The following RNMT variants were observed in gnomAD, a reference collection of about 807,000 sequenced individuals.
RNMT encodes RNA guanine-7 methyltransferase.
RNMT carries 27 observed loss-of-function variants against 56.0 expected under a neutral mutation model. The ratio of observed to expected loss-of-function variants is 0.48; its 90% CI spans 0.36 to 0.67. The LOEUF (loss-of-function observed/expected upper bound fraction) is 0.67. Ranked by LOEUF, RNMT falls within the 30% of genes least tolerant of loss-of-function variation. RNMT has a pLI of 0.00. For synonymous variants in RNMT, 184 were observed against 176.2 expected, an observed-to-expected ratio of 1.04 and a Z score of -0.35; for missense variants, 519 against 552.1, an observed-to-expected ratio of 0.94 and a Z score of 0.60.
chr18:13,759,953 G>T lies in RNMT; in HGVS notation c.1405G>T (p.Val469Leu), dbSNP rs1052337925. 2.5e-6 allele frequency: 4 copies of T among 1,612,096 alleles called. No individual in the cohort carries two copies. Among genetic ancestry groups the T allele is most frequent in the Admixed American group, 3.3e-5 (2 of 59,920 alleles). ...SEWEATSIYL[V>L]FAFEKQQ ...TATTTCTTCTTTAGGTATTTACTTGGTGTTTGCCTTTGAGAAACAGCAGTG... is the reference window on the plus strand; with the variant it reads ...TATTTCTTCTTTAGGTATTTACTTGTTGTTTGCCTTTGAGAAACAGCAGTG... Residue 469 changes from valine (V) to leucine (L), a missense_variant, in exon 12 of 12, where the codon GTG becomes TTG. Transcript: ENST00000383314.
At chr18:13,734,210 C>A (rs1247969558) in intron 3 of RNMT, among the ~76,000 whole-genome samples, 12 of 152,144 alleles carry the variant, frequency 7.9e-5, no homozygotes. Flanking sequence ...GTCCATTGAA[C>A]CTCTTTTTGT....
At chr18:13,749,766 A>G (rs1055448445) in intron 9 of RNMT, among the ~76,000 whole-genome samples, 3 of 152,016 alleles carry the variant, frequency 2.0e-5, no homozygotes, top group Non-Finnish European at 2.9e-5. Context: ...TCTGTCATCC[A>G]AGCTGGAGTG....
intron 4 of RNMT, among the ~76,000 whole-genome samples, chr18:13,734,898 A>G (rs9646454): frequency 0.11 from 16,057 of 152,236 alleles, 929 homozygotes; most frequent in South Asian, 0.15. Flanking sequence ...TTCAGGTTTC[A>G]TTAAGTCAAG....
intron 1 of RNMT, among the ~76,000 whole-genome samples, chr18:13,729,829 T>C (rs2044037278): frequency 6.6e-6 from 1 of 152,010 alleles, no homozygotes; most frequent in African/African-American, 2.4e-5. Context: ...AAGTGGGGTC[T>C]CACTTTGTTG....
intron 4 of RNMT, among the ~76,000 whole-genome samples, chr18:13,736,472 G>C (rs925375350): frequency 6.6e-6 from 1 of 150,914 alleles, no homozygotes; most frequent in African/African-American, 2.4e-5. Context: ...TACTGATGAT[G>C]CTAAAACTAA....
rs2044568019 is a variant in RNMT, at chr18:13,757,778, G to A, written c.1394-2164G>A. 3.9e-5 allele frequency among the ~76,000 whole-genome samples: 6 copies of A among 152,164 alleles called. No homozygotes were observed. The South Asian group carries it at 8.3e-4, about 21-fold the overall frequency. On this transcript the variant is annotated intron_variant, in intron 11 of 11. Transcript: ENST00000383314. ...GAACATTCTTAATGATATCTAGAAT[G>A]GGGAATCATTTCCATCAGGTTTTTT...
At chr18:13,758,788 A>T (rs1598431519) in intron 11 of RNMT, among the ~76,000 whole-genome samples, 1 of 152,144 alleles carries the variant, frequency 6.6e-6, no homozygotes, top group Non-Finnish European at 1.5e-5. Context: ...AGCTTTTTAC[A>T]TGCCTTGTTC....
rs2044656350 is a variant in RNMT at position 13,764,476 on chromosome 18, G to C, written c.*4497G>C. ...ATATTATGTTTGTGAGATTTTTGTT[G>C]CATGTATTTGTACATGGATTTTCAT... On this transcript the variant is annotated 3_prime_UTR_variant, in exon 12 of 12. Transcript: ENST00000383314. The C allele has an allele frequency of 2.0e-5, 3 of 152,080 alleles. No homozygotes were observed. In the South Asian group the frequency reaches 6.2e-4, roughly 31 times the overall value. 9.4% of individuals were successfully genotyped at this position (152,080 alleles called of 1,614,324 possible). A position where few individuals can be genotyped will look rare whatever the true frequency, so the allele number is the denominator to read the frequency against.
At chr18:13,729,853 A>G (rs1229607699) in intron 1 of RNMT, among the ~76,000 whole-genome samples, 1 of 151,560 alleles carries the variant, frequency 6.6e-6, no homozygotes, top group East Asian at 1.9e-4. Context: ...AGGCTGGAGT[A>G]CAGTGGCACA....
intron 9 of RNMT, 81 bp from the exon 10 acceptor site, chr18:13,752,240 ATTATG>A: frequency 1.3e-6 from 1 of 776,204 alleles, no homozygotes; most frequent in Non-Finnish European, 2.2e-6. Flanking sequence ...TATTCTCCTA[ATTATG>A]TTATTTCAGT....
chr18:13,746,295 C>T lies in RNMT; in HGVS notation c.1215C>T (p.Asn405=), dbSNP rs1358795863. 2 of 1,571,124 alleles carry T rather than the reference C, an allele frequency of 1.3e-6. No individual in the cohort carries two copies. Among genetic ancestry groups the T allele is most frequent in the African/African-American group, 2.7e-5 (2 of 72,944 alleles). ...AATTCTACGAAGAAAAGATTAAGAACAATGAAAATAAAATGCTCTTAAAAC... is the reference window on the plus strand; with the variant it reads ...AATTCTACGAAGAAAAGATTAAGAATAATGAAAATAAAATGCTCTTAAAAC... ...FLEFYEEKIK[N]NENKMLLKRM... Residue 405 remains asparagine, a synonymous_variant, in exon 9 of 12, where the codon AAC becomes AAT. Coordinates refer to ENST00000383314, the MANE Select transcript of RNMT (RefSeq NM_003799.3).
intron 1 of RNMT, chr18:13,730,294 T>C (rs2044045011): frequency 6.6e-6 from 1 of 152,240 alleles, no homozygotes; most frequent in East Asian, 1.9e-4. Context: ...TGAAAGAGAC[T>C]TAATGGTCAT....
rs746014230 is a variant in RNMT at position 13,731,850 on chromosome 18, T to C, written c.333T>C (p.Asp111=). 6.2e-7 allele frequency: 1 copy of C among 1,613,008 alleles called. No individual in the cohort carries two copies. The highest frequency in any genetic ancestry group is 1.3e-5 in the African/African-American group (1 of 74,948). ...NSKKRKRETE[D]VPKDKSSTGD... is the part of the protein sequence containing the mutation. ...AGAAAAGAAAAAGAGAAACTGAGGA[T>C]GTTCCAAAAGATAAATCTTCTACTG... The change falls in exon 3 of 12, where the codon GAT becomes GAC. Residue 111 remains aspartate (D), a synonymous_variant. Transcript: ENST00000383314.
chr18:13,746,264 T>A lies in RNMT; in HGVS notation c.1184T>A (p.Phe395Tyr). 1 of 1,574,472 alleles carries A rather than the reference T, an allele frequency of 6.4e-7. No homozygotes were observed. The highest frequency in any genetic ancestry group is 2.2e-5 in the East Asian group (1 of 44,538). ...ATGAAACTAGTCTACAAAAAAACAT[T>A]TCTGGAATTCTACGAAGAAAAGATT... ...YNMKLVYKKT[F>Y]LEFYEEKIKN... Residue 395 changes from phenylalanine to tyrosine, a missense_variant, in exon 9 of 12, where the codon TTT becomes TAT. Physicochemically the swap from Phe to Tyr is conservative, Grantham distance 22. Coordinates refer to ENST00000383314, the MANE Select transcript of RNMT (RefSeq NM_003799.3).
chr18:13,756,721 G>A (rs1315460734), intron 11 of RNMT, among the ~76,000 whole-genome samples: 1 of 152,206 alleles, frequency 6.6e-6, no homozygotes. Flanking sequence ...TGGTGTTCCT[G>A]TACAAGTTGG....
intron 10 of RNMT, 141 bp downstream of exon 10, chr18:13,752,568 G>C (rs1283780897): frequency 1.7e-6 from 1 of 598,388 alleles, no homozygotes; most frequent in Non-Finnish European, 3.0e-6. Context: ...AAGTGATGTT[G>C]ACTTGTTATA....
intron 9 of RNMT, among the ~76,000 whole-genome samples, chr18:13,751,408 C>G (rs2044444695): frequency 6.6e-6 from 1 of 152,150 alleles, no homozygotes; most frequent in Non-Finnish European, 1.5e-5. Flanking sequence ...AAATCAAAAC[C>G]ACAATGAGAT....
In RNMT at chr18:13,751,357, A is replaced by G. The variant is rs200010947; in HGVS notation, c.1258-969A>G. On this transcript the variant is annotated intron_variant, in intron 9 of 11. Transcript: ENST00000383314. ...CACGACATTTATGCAGCCAACAGAC[A>G]CAGAGGAAATGCTCATCATCACTGG... Among the ~76,000 whole-genome samples, 5 of 152,358 alleles carry G rather than the reference A, an allele frequency of 3.3e-5. No homozygotes were observed. In the East Asian group the frequency reaches 7.7e-4, roughly 23 times the overall value.
chr18:13,754,170 T>A, intron 11 of RNMT, 23 bp downstream of exon 11: 2 of 1,500,844 alleles, frequency 1.3e-6, no homozygotes, highest in South Asian at 1.2e-5. Flanking sequence ...TCAGCATAGA[T>A]TAACTGATAA....
Sources: allele counts gnomAD v4.1 joint callset (sites outside exome capture counted in the v4.1 genomes callset), GRCh38; gene constraint gnomAD v4.1.1; transcripts MANE v1.5; gene names NCBI Gene and HGNC (gene_info 2026-07-23, HGNC 2026-07-21).